The following DOK5 variants were observed in gnomAD, a reference collection of about 807,000 sequenced individuals.
DOK5 encodes downstream of tyrosine kinase 5.
DOK5 carries 27 observed loss-of-function variants against 43.3 expected under a neutral mutation model. The observed-to-expected ratio is 0.62, with a 90% CI of 0.46 to 0.86. DOK5 has a LOEUF of 0.86. Ranked by LOEUF, DOK5 falls within the 40% of genes least tolerant of loss-of-function variation. DOK5 has a pLI of 0.00. For synonymous variants in DOK5, 146 were observed against 140.1 expected (o/e 1.04, Z -0.30); for missense variants, 373 against 392.9 (o/e 0.95, Z 0.43).
chr20:54,639,889 A>G (rs1474515478), intron 6 of DOK5, among the ~76,000 whole-genome samples: 1 of 152,258 alleles, frequency 6.6e-6, no homozygotes, highest in Non-Finnish European at 1.5e-5. Flanking sequence ...AATGTGAGCT[A>G]TACGTACATT....
At chr20:54,610,745 G>A (rs6023410) in intron 6 of DOK5, among the ~76,000 whole-genome samples, 5,546 of 152,262 alleles carry the variant, frequency 0.036, 261 homozygotes, top group African/African-American at 0.11. Context: ...CAACTCAATC[G>A]TAAGGGTGTG....
intron 5 of DOK5, among the ~76,000 whole-genome samples, chr20:54,607,807 C>T (rs566906706): frequency 3.9e-5 from 6 of 152,058 alleles, no homozygotes; most frequent in Non-Finnish European, 7.4e-5. Context: ...TGCTTGAACC[C>T]GGGAGGTGGA....
At chr20:54,620,431 G>A (rs6064091) in intron 6 of DOK5, among the ~76,000 whole-genome samples, 36,804 of 151,982 alleles carry the variant, frequency 0.24, 5,586 homozygotes, top group African/African-American at 0.41. Context: ...TAGACACAGG[G>A]TTTCACCATG....
chr20:54,631,013 T>C (rs571776809), intron 6 of DOK5, among the ~76,000 whole-genome samples: 7 of 152,092 alleles, frequency 4.6e-5, no homozygotes, highest in South Asian at 4.2e-4. Context: ...TAAACAGTGG[T>C]TAGGGAAATG....
chr20:54,530,091 T>C (rs893292683), intron 1 of DOK5, among the ~76,000 whole-genome samples: 2 of 152,218 alleles, frequency 1.3e-5, no homozygotes, highest in Admixed American at 6.5e-5. Context: ...AATTACTGAA[T>C]TTTGGCTAAT....
chr20:54,493,597 A>C (rs1397286508), intron 1 of DOK5, among the ~76,000 whole-genome samples: 3 of 152,186 alleles, frequency 2.0e-5, no homozygotes, highest in East Asian at 1.9e-4. Context: ...TAAGTGATAA[A>C]TAGCCACGTA....
At chr20:54,588,652 G>A in intron 3 of DOK5, 35 bp from the exon 4 acceptor site, 4 of 1,614,056 alleles carry the variant, frequency 2.5e-6, no homozygotes, top group Non-Finnish European at 3.4e-6. Context: ...AATGGATGCT[G>A]GGCACACAGT....
chr20:54,613,224 CTCTCTCTCTCTCTCGCCA>C (rs540531637), intron 6 of DOK5, among the ~76,000 whole-genome samples: 253 of 146,260 alleles, frequency 1.7e-3, no homozygotes, highest in South Asian at 6.1e-3. Context: ...CTCTCGTCAC[CTCTCTCTCTCTCTCGCCA>C]TCTCTCTCTC....
intron 2 of DOK5, among the ~76,000 whole-genome samples, chr20:54,571,007 C>T (rs745558546): frequency 2.8e-4 from 43 of 152,254 alleles, no homozygotes; most frequent in Non-Finnish European, 5.1e-4. Flanking sequence ...AATAAGACAT[C>T]TGGAGTATGG....
intron 1 of DOK5, among the ~76,000 whole-genome samples, chr20:54,498,287 A>C (rs1405338284): frequency 6.6e-6 from 1 of 152,198 alleles, no homozygotes; most frequent in Non-Finnish European, 1.5e-5. Context: ...TTTAGTGACC[A>C]TTACTAATGT....
At chr20:54,645,551 C>T (rs1979371676) in intron 7 of DOK5, among the ~76,000 whole-genome samples, 1 of 152,162 alleles carries the variant, frequency 6.6e-6, no homozygotes, top group African/African-American at 2.4e-5. Context: ...TAGTTAACTC[C>T]TGCTCACCTC....
chr20:54,478,096 A>G (rs1172216526), intron 1 of DOK5, among the ~76,000 whole-genome samples: 2 of 152,244 alleles, frequency 1.3e-5, no homozygotes, highest in Admixed American at 6.5e-5. Flanking sequence ...CTATTGAATT[A>G]TGGTTATTGC....
At chr20:54,552,014 G>A (rs1183564684) in intron 1 of DOK5, among the ~76,000 whole-genome samples, 4 of 152,102 alleles carry the variant, frequency 2.6e-5, no homozygotes, top group Admixed American at 2.6e-4. Flanking sequence ...TTTTAGTAGA[G>A]ATGGGGTTTT....
At chr20:54,504,458 T>G (rs1037375717) in intron 1 of DOK5, among the ~76,000 whole-genome samples, 15 of 151,960 alleles carry the variant, frequency 9.9e-5, no homozygotes, top group African/African-American at 2.4e-4. Context: ...TTAGGGGGGG[T>G]TTAAAATTAT....
At chr20:54,491,606 C>T (rs1220301220) in intron 1 of DOK5, among the ~76,000 whole-genome samples, 2 of 152,256 alleles carry the variant, frequency 1.3e-5, no homozygotes, top group Admixed American at 6.5e-5. Context: ...CCTCGGCTTC[C>T]GCTGCGGAAG....
chr20:54,623,456 G>A (rs1391121537), intron 6 of DOK5, among the ~76,000 whole-genome samples: 2 of 152,052 alleles, frequency 1.3e-5, no homozygotes, highest in Non-Finnish European at 2.9e-5. Context: ...GTAATAAGTG[G>A]GTGATACTAA....
intron 1 of DOK5, among the ~76,000 whole-genome samples, chr20:54,492,617 A>G (rs887495537): frequency 6.6e-6 from 1 of 152,174 alleles, no homozygotes; most frequent in Non-Finnish European, 1.5e-5. Context: ...TTTGAGGAAT[A>G]AAACAAATTT....
At chr20:54,637,515 G>A (rs1242702401) in intron 6 of DOK5, among the ~76,000 whole-genome samples, 1 of 152,212 alleles carries the variant, frequency 6.6e-6, no homozygotes, top group Non-Finnish European at 1.5e-5. Flanking sequence ...ACATAAGAAA[G>A]ATCTTTCCCC....
Position 54,588,732 on chromosome 20 carries a change from T to C in DOK5, c.335T>C (p.Val112Ala). 3 of 1,614,116 alleles carry C rather than the reference T, an allele frequency of 1.9e-6. No homozygotes were observed. The highest frequency in any genetic ancestry group is 2.2e-5 in the East Asian group (1 of 44,880). The change falls in exon 4 of 8, where the codon GTA (valine) becomes GCA (alanine). Residue 112 changes from valine to alanine, a missense_variant. Coordinates refer to ENST00000262593, the MANE Select transcript of DOK5 (RefSeq NM_018431.5). Reference protein sequence around the residue: ...EWCKVLQMECVGTRINDISLG... With the variant: ...EWCKVLQMECAGTRINDISLG... ...TGCAAAGTACTCCAGATGGAGTGTG[T>C]AGGAACACGGATCAATGACATCAGC... is the stretch of plus-strand genomic sequence containing the variant.
Sources: allele counts gnomAD v4.1 joint callset (sites outside exome capture counted in the v4.1 genomes callset), GRCh38; gene constraint gnomAD v4.1.1; transcripts MANE v1.5; gene names NCBI Gene and HGNC (gene_info 2026-07-23, HGNC 2026-07-21).